SNX29: variants seen among roughly 807,000 people sequenced by gnomAD.
SNX29 encodes sorting nexin-29.
SNX29 carries 78 observed loss-of-function variants against 102.1 expected under a neutral mutation model. The observed-to-expected ratio is 0.76, with a 90% CI of 0.64 to 0.92. SNX29 has a LOEUF of 0.92. Among genes scored for constraint, SNX29 ranks in the 40% least tolerant of loss-of-function variants. The pLI is 0.00. For synonymous variants in SNX29, 580 were observed against 414.5 expected, an observed-to-expected ratio of 1.40 and a Z score of -4.85; for missense variants, 1,280 against 1,061.7, an observed-to-expected ratio of 1.21 and a Z score of -2.86.
chr16:12,395,603 GAAT>G (rs2151483858), intron 16 of SNX29, among the ~76,000 whole-genome samples: 1 of 152,272 alleles, frequency 6.6e-6, no homozygotes, highest in African/African-American at 2.4e-5. Context: ...AGGGAGAGGT[GAAT>G]AGAGATAGCC....
intron 18 of SNX29, among the ~76,000 whole-genome samples, chr16:12,440,395 C>G (rs1205228153): frequency 2.0e-5 from 3 of 152,178 alleles, no homozygotes; most frequent in Non-Finnish European, 4.4e-5. Flanking sequence ...ACCCCCACAA[C>G]CCTTCCCCTC....
At chr16:12,074,745 T>C (rs1371243109) in intron 10 of SNX29, among the ~76,000 whole-genome samples, 1 of 152,220 alleles carries the variant, frequency 6.6e-6, no homozygotes, top group East Asian at 1.9e-4. Context: ...TCCTGGATAA[T>C]ATCCTGTAGA....
chr16:12,107,907 G>A lies in SNX29; in HGVS notation c.1403-18726G>A, dbSNP rs183798178. 5.2e-3 allele frequency among the ~76,000 whole-genome samples: 791 copies of A among 152,206 alleles called. 4 individuals carry two copies. The highest frequency in any genetic ancestry group is 9.3e-3 in the Non-Finnish European group (629 of 67,994). On this transcript the variant is annotated intron_variant, in intron 11 of 20. Coordinates refer to ENST00000566228, the MANE Select transcript of SNX29 (RefSeq NM_032167.5). ...ATCGTGTTTTAAGTGATAGAATTAG[G>A]TACTGTTGAAGCTATGAAATGAATT... is the stretch of plus-strand genomic sequence containing the variant.
At position 11,991,755 on chromosome 16, in the gene SNX29, G is replaced by A. The variant is rs571957612; in HGVS notation, c.8-7542G>A. Among the ~76,000 whole-genome samples, 17 of 142,704 alleles carry A rather than the reference G, an allele frequency of 1.2e-4. No homozygotes were observed. The South Asian group carries it at 3.7e-3, about 31-fold the overall frequency. 93.6% of individuals were successfully genotyped at this position (142,704 alleles called of 152,430 possible). On this transcript the variant is annotated intron_variant, in intron 1 of 20. Coordinates refer to ENST00000566228, the MANE Select transcript of SNX29 (RefSeq NM_032167.5). ...TTCCAGTAGAGATGGGGTTTCACAC[G>A]TTGGCCAGGCTGGTCTCAAACTCCT...
chr16:12,060,153 A>C (rs56266112), intron 8 of SNX29, among the ~76,000 whole-genome samples: 63,998 of 151,874 alleles, frequency 0.42, 14,403 homozygotes, highest in Non-Finnish European at 0.5. Flanking sequence ...CCAAAAAAAA[A>C]CCAATAAAAA....
At chr16:12,552,737 C>A (rs867132276) in intron 20 of SNX29, among the ~76,000 whole-genome samples, 3 of 152,208 alleles carry the variant, frequency 2.0e-5, no homozygotes, top group Non-Finnish European at 2.9e-5. Flanking sequence ...ATGGTATCTC[C>A]AGTGAAATCA....
In SNX29 at chr16:12,305,787, T is replaced by G. The variant is rs2080319493; in HGVS notation, c.1782+27751T>G. Among the ~76,000 whole-genome samples the G allele has an allele frequency of 1.3e-5, 2 of 152,204 alleles. 1 individual carries two copies. Among genetic ancestry groups the G allele is most frequent in the South Asian group, 4.1e-4 (2 of 4,824 alleles). ...TAATTATAATTCTCTGGGCTTTGAA[T>G]ACAGAAAGACTGTGTTTCCACTTAG... On this transcript the variant is annotated intron_variant, in intron 15 of 20. Transcript: ENST00000566228.
In SNX29 at chr16:12,027,459, G is replaced by T; in HGVS notation, c.247+15G>T. The T allele has an allele frequency of 2.5e-6, 4 of 1,613,016 alleles. No individual in the cohort carries two copies. In the South Asian group the frequency reaches 4.4e-5, roughly 18 times the overall value. On this transcript the variant is annotated intron_variant, in intron 4 of 20. Transcript: ENST00000566228. The stretch of plus-strand genomic sequence containing the variant: ...AACCGAAACAGGTACTGCTCTGCCT[G>T]GCTGTAGCTTGGAGGAGCTTGTCTT...
Position 12,567,115 on chromosome 16 carries a change from C to CTCT in SNX29, c.2319-1389_2319-1387dup, listed in dbSNP as rs578026604. 6.3e-4 allele frequency among the ~76,000 whole-genome samples: 96 copies of CTCT among 152,362 alleles called. 1 individual carries two copies. The highest frequency in any genetic ancestry group is 2.2e-3 in the African/African-American group (91 of 41,592). On this transcript the variant is annotated intron_variant, in intron 20 of 20. Transcript: ENST00000566228. The stretch of plus-strand genomic sequence containing the variant: ...GAATGATTTCTTTATGAATGCAAGT[C>CTCT]TCTTAACTCACATGATTTGTGAAAC...
chr16:11,995,686 T>C (rs894399420), intron 1 of SNX29, among the ~76,000 whole-genome samples: 1 of 147,746 alleles, frequency 6.8e-6, no homozygotes, highest in African/African-American at 2.5e-5. Context: ...TCATTGTGCA[T>C]ACCAGGAAGG....
chr16:12,131,123 G>A (rs2054448568), intron 13 of SNX29, among the ~76,000 whole-genome samples: 1 of 152,252 alleles, frequency 6.6e-6, no homozygotes, highest in South Asian at 2.1e-4. Flanking sequence ...CAGTGTGGGA[G>A]AGGGCCTGCT....
chr16:12,115,438 C>G (rs2053655294), intron 11 of SNX29, among the ~76,000 whole-genome samples: 1 of 151,366 alleles, frequency 6.6e-6, no homozygotes, highest in Admixed American at 6.6e-5. Flanking sequence ...TTTTTGCTGC[C>G]TCTACTGTAT....
At chr16:12,201,811 G>A (rs181549180) in intron 14 of SNX29, among the ~76,000 whole-genome samples, 8 of 152,294 alleles carry the variant, frequency 5.3e-5, no homozygotes, top group Non-Finnish European at 2.9e-5. Context: ...TTAAAGTCGG[G>A]TTAAAAAGAA....
At chr16:12,396,451 T>C (rs934297293) in intron 16 of SNX29, among the ~76,000 whole-genome samples, 2 of 152,140 alleles carry the variant, frequency 1.3e-5, no homozygotes, top group African/African-American at 4.8e-5. Flanking sequence ...GCTGGTGTCC[T>C]GATGGCTTGT....
At chr16:12,105,995 C>T (rs1351318175) in intron 11 of SNX29, among the ~76,000 whole-genome samples, 1 of 152,184 alleles carries the variant, frequency 6.6e-6, no homozygotes, top group African/African-American at 2.4e-5. Context: ...ACTAATCCAT[C>T]TTCATAAGCC....
At chr16:12,399,158 C>T (rs1231433621) in intron 17 of SNX29, among the ~76,000 whole-genome samples, 1 of 152,184 alleles carries the variant, frequency 6.6e-6, no homozygotes, top group Admixed American at 6.5e-5. Flanking sequence ...TTAAGTGATT[C>T]TCCTGCCTCA....
intron 14 of SNX29, among the ~76,000 whole-genome samples, chr16:12,250,161 A>C (rs2078379205): frequency 6.6e-6 from 1 of 152,216 alleles, no homozygotes; most frequent in Non-Finnish European, 1.5e-5. Flanking sequence ...AGGTGGCCAA[A>C]GGGTTCCAGG....
intron 1 of SNX29, among the ~76,000 whole-genome samples, chr16:11,990,344 CT>C (rs2055801376): frequency 6.6e-6 from 1 of 152,152 alleles, no homozygotes; most frequent in Non-Finnish European, 1.5e-5. Context: ...CTAGAGCTGG[CT>C]AGCAGCTGCC....
intron 20 of SNX29, among the ~76,000 whole-genome samples, chr16:12,559,525 A>G (rs918940243): frequency 6.6e-6 from 1 of 152,014 alleles, no homozygotes. Flanking sequence ...TTTGTATCTC[A>G]AAAGCATCCC....
Sources: gnomAD v4.1 joint callset for allele counts (sites outside exome capture counted in the v4.1 genomes callset) on GRCh38, gnomAD v4.1.1 for gene constraint, MANE v1.5 for transcripts, NCBI Gene and HGNC (gene_info 2026-07-23, HGNC 2026-07-21) for gene names.